CPEB3: variants seen among roughly 807,000 people sequenced by gnomAD.
The protein encoded by CPEB3 is cytoplasmic polyadenylation element binding protein 3, also known as cytoplasmic polyadenylation element-binding protein 3.
Under a neutral mutation model 67.2 loss-of-function variants are expected in CPEB3, and 20 were observed. The ratio of observed to expected loss-of-function variants is 0.30; its 90% CI spans 0.21 to 0.43. The LOEUF (loss-of-function observed/expected upper bound fraction) is 0.43. CPEB3 is among the 20% of genes least tolerant of loss of function. The pLI is 1.00. For synonymous variants in CPEB3, 376 were observed against 393.1 expected (o/e 0.96, Z 0.51); for missense variants, 746 against 968.6 (o/e 0.77, Z 3.05).
chr10:92,192,530 G>C lies in CPEB3; in HGVS notation c.1112C>G (p.Pro371Arg), dbSNP rs1226403163. 1 of 1,613,946 alleles carries C rather than the reference G, an allele frequency of 6.2e-7. No individual in the cohort carries two copies. Among genetic ancestry groups the C allele is most frequent in the Non-Finnish European group, 8.5e-7 (1 of 1,179,912 alleles). The change falls in exon 3 of 10, where the codon CCC (proline) becomes CGC (arginine). Residue 371 changes from proline (P) to arginine (R), a missense_variant. Around this residue, in one of 2 missense-constraint regions of CPEB3, gnomAD observed 643 missense variants for 717.5 expected, o/e 0.90. Transcript: ENST00000265997. The part of the protein sequence containing the change: ...HEPLKGKHYP[P>R]SGPPMSFADI... ...AGCGAAACTCATTGGTGGGCCACTGGGAGGGTAGTGTTTACCTTTCAGAGG... is the reference window on the plus strand; with the variant it reads ...AGCGAAACTCATTGGTGGGCCACTGCGAGGGTAGTGTTTACCTTTCAGAGG...
intron 2 of CPEB3, among the ~76,000 whole-genome samples, chr10:92,222,475 C>T (rs1334081946): frequency 1.3e-5 from 2 of 152,126 alleles, no homozygotes; most frequent in African/African-American, 4.8e-5. Flanking sequence ...CTAGATACAA[C>T]AGCAATCAGG....
intron 2 of CPEB3, among the ~76,000 whole-genome samples, chr10:92,227,741 G>A (rs1851051775): frequency 6.6e-6 from 1 of 151,342 alleles, no homozygotes; most frequent in Non-Finnish European, 1.5e-5. Flanking sequence ...ACAGGTGCCC[G>A]CTACCTCGCC....
chr10:92,282,246 T>A (rs1340531908), intron 1 of CPEB3, among the ~76,000 whole-genome samples: 2 of 152,230 alleles, frequency 1.3e-5, no homozygotes, highest in African/African-American at 4.8e-5. Context: ...TATTGATTTA[T>A]GAAATTTTGT....
At chr10:92,143,638 T>C (rs1846544127) in intron 5 of CPEB3, among the ~76,000 whole-genome samples, 1 of 152,208 alleles carries the variant, frequency 6.6e-6, no homozygotes, top group South Asian at 2.1e-4. Flanking sequence ...AACTACATAT[T>C]ACGTACCCTA....
At chr10:92,169,746 A>G (rs1847918424) in intron 4 of CPEB3, among the ~76,000 whole-genome samples, 1 of 152,124 alleles carries the variant, frequency 6.6e-6, no homozygotes, top group South Asian at 2.1e-4. Context: ...GCCTAATCCC[A>G]CTTTTACTGG....
chr10:92,263,065 C>T (rs796614699), intron 1 of CPEB3, among the ~76,000 whole-genome samples: 4 of 152,148 alleles, frequency 2.6e-5, no homozygotes, highest in African/African-American at 7.2e-5. Context: ...CCATAGCACT[C>T]GGCCGAAAGC....
chr10:92,086,972 T>A (rs1045052021), intron 8 of CPEB3, among the ~76,000 whole-genome samples: 1 of 152,180 alleles, frequency 6.6e-6, no homozygotes, highest in African/African-American at 2.4e-5. Context: ...CAACCCATAC[T>A]GAACTTAGGA....
intron 4 of CPEB3, among the ~76,000 whole-genome samples, chr10:92,160,966 C>A (rs146151369): frequency 6.6e-6 from 1 of 151,958 alleles, no homozygotes; most frequent in Non-Finnish European, 1.5e-5. Flanking sequence ...CTCTGCTCAC[C>A]GCAACCTCTG....
intron 7 of CPEB3, among the ~76,000 whole-genome samples, chr10:92,104,424 C>T (rs981164101): frequency 1.3e-5 from 2 of 148,918 alleles, no homozygotes; most frequent in Non-Finnish European, 3.0e-5. Context: ...ATTCTGTCAC[C>T]CAGGCTGGAG....
intron 2 of CPEB3, among the ~76,000 whole-genome samples, chr10:92,235,175 C>T (rs1851467681): frequency 6.6e-6 from 1 of 152,062 alleles, no homozygotes; most frequent in South Asian, 2.1e-4. Flanking sequence ...ATTTAGAATG[C>T]ACTGTATGAA....
intron 2 of CPEB3, among the ~76,000 whole-genome samples, chr10:92,205,576 A>G (rs1849747313): frequency 6.8e-6 from 1 of 147,666 alleles, no homozygotes; most frequent in Non-Finnish European, 1.5e-5. Flanking sequence ...TCCCAGGTTC[A>G]AGCAATTCTC....
intron 6 of CPEB3, among the ~76,000 whole-genome samples, chr10:92,127,980 C>CAATGT (rs1223192214): frequency 6.6e-6 from 1 of 152,116 alleles, no homozygotes; most frequent in Non-Finnish European, 1.5e-5. Context: ...TTCACAACCA[C>CAATGT]AATGTACCAT....
intron 2 of CPEB3, among the ~76,000 whole-genome samples, chr10:92,206,606 G>T (rs1310056205): frequency 6.6e-6 from 1 of 151,920 alleles, no homozygotes; most frequent in Non-Finnish European, 1.5e-5. Flanking sequence ...TCTTAAACTT[G>T]TATTTATGTT....
intron 7 of CPEB3, among the ~76,000 whole-genome samples, chr10:92,096,207 C>G (rs535360484): frequency 6.6e-6 from 1 of 152,070 alleles, no homozygotes; most frequent in African/African-American, 2.4e-5. Context: ...ATAACAGTAA[C>G]AATAATACAA....
At chr10:92,271,259 C>A (rs569151876) in intron 1 of CPEB3, among the ~76,000 whole-genome samples, 33 of 152,198 alleles carry the variant, frequency 2.2e-4, no homozygotes, top group Non-Finnish European at 4.9e-4. Flanking sequence ...ACATATTACT[C>A]TACACTTTTT....
At chr10:92,119,226 G>C (rs1438589403) in intron 6 of CPEB3, 1 of 1,581,824 alleles carries the variant, frequency 6.3e-7, no homozygotes, top group Non-Finnish European at 8.7e-7. Context: ...CTTTCTGTTT[G>C]TCACTCTTAT....
chr10:92,278,693 C>T (rs916768739), intron 1 of CPEB3, among the ~76,000 whole-genome samples: 2 of 151,462 alleles, frequency 1.3e-5, no homozygotes, highest in Non-Finnish European at 2.9e-5. Flanking sequence ...CTCCACCTCC[C>T]GGGTTCAAGC....
At chr10:92,063,646 C>T (rs1027230257) in intron 9 of CPEB3, among the ~76,000 whole-genome samples, 1 of 152,034 alleles carries the variant, frequency 6.6e-6, no homozygotes, top group African/African-American at 2.4e-5. Context: ...CACCTATAGT[C>T]TCAGCTACTT....
Position 92,252,983 on chromosome 10 carries a change from G to A in CPEB3, c.-11-12622C>T, listed in dbSNP as rs181025804. Among the ~76,000 whole-genome samples the A allele has an allele frequency of 2.6e-3, 398 of 152,080 alleles. 2 individuals are homozygous for A. The highest frequency in any genetic ancestry group is 8.7e-3 in the African/African-American group (361 of 41,480). On this transcript the variant is annotated intron_variant, in intron 1 of 9. Transcript: ENST00000265997. The stretch of plus-strand genomic sequence containing the variant: ...CTGTTGCCTAGGCTGGAGTGAAGTG[G>A]TGTGATGACAGCTCACTGCAACCTC...
Sources: gnomAD v4.1 joint callset for allele counts (sites outside exome capture counted in the v4.1 genomes callset) on GRCh38, gnomAD v4.1.1 for gene constraint, gnomAD v4.1.1 regional missense constraint, MANE v1.5 for transcripts, NCBI Gene and HGNC (gene_info 2026-07-23, HGNC 2026-07-21) for gene names.